The following EIF4EBP2 variants were observed in gnomAD, a reference collection of about 807,000 sequenced individuals.
The protein encoded by EIF4EBP2 is eukaryotic translation initiation factor 4E binding protein 2, also known as eukaryotic translation initiation factor 4E-binding protein 2.
A neutral mutation model predicts 10.3 loss-of-function variants in EIF4EBP2; 5 were observed. That is an observed-to-expected ratio of 0.48 (90% CI 0.25 to 1.02). The LOEUF is 1.02. Ranked by LOEUF, EIF4EBP2 falls within the 50% of genes least tolerant of loss-of-function variation. The probability of loss-of-function intolerance (pLI) is 0.15; values close to 1 mark genes in which losing one functional copy is unlikely to be tolerated. For synonymous variants in EIF4EBP2, 67 were observed against 61.1 expected, an observed-to-expected ratio of 1.10 and a Z score of -0.45; for missense variants, 188 against 162.2, an observed-to-expected ratio of 1.16 and a Z score of -0.86.
chr10:70,421,791 G>A lies in EIF4EBP2; in HGVS notation c.*44G>A. ...AAGAAAAGCAGCAACACTGATACTT[G>A]TGTGCACCTGATTTGGCCAATAGGA... On this transcript the variant is annotated 3_prime_UTR_variant, in exon 3 of 3. Coordinates refer to ENST00000373218, the MANE Select transcript of EIF4EBP2 (RefSeq NM_004096.5). The A allele has an allele frequency of 6.3e-7, 1 of 1,599,108 alleles. No individual in the cohort carries two copies. The highest frequency in any genetic ancestry group is 8.6e-7 in the Non-Finnish European group (1 of 1,168,510).
intron 2 of EIF4EBP2, among the ~76,000 whole-genome samples, chr10:70,421,398 C>T (rs1025935957): frequency 6.6e-6 from 1 of 152,128 alleles, no homozygotes; most frequent in Non-Finnish European, 1.5e-5. Context: ...TCCAAAGCCT[C>T]CAGAAGAATG....
intron 1 of EIF4EBP2, among the ~76,000 whole-genome samples, chr10:70,410,827 A>T (rs1033924210): frequency 6.6e-6 from 1 of 152,118 alleles, no homozygotes; most frequent in African/African-American, 2.4e-5. Flanking sequence ...GTGGGCCCTT[A>T]TGTGAGACAT....
intron 1 of EIF4EBP2, among the ~76,000 whole-genome samples, chr10:70,409,956 A>G (rs897845004): frequency 6.6e-6 from 1 of 152,244 alleles, no homozygotes; most frequent in African/African-American, 2.4e-5. Context: ...CATAAAGGTC[A>G]TTGGATGGGT....
At chr10:70,418,734 G>C (rs1306393839) in intron 1 of EIF4EBP2, among the ~76,000 whole-genome samples, 1 of 152,154 alleles carries the variant, frequency 6.6e-6, no homozygotes, top group Admixed American at 6.6e-5. Flanking sequence ...ATTTCTAGAT[G>C]CCTTTTTGAG....
chr10:70,411,476 A>T (rs1237785309), intron 1 of EIF4EBP2, among the ~76,000 whole-genome samples: 1 of 152,154 alleles, frequency 6.6e-6, no homozygotes, highest in Non-Finnish European at 1.5e-5. Flanking sequence ...ACACAACAAA[A>T]AGCAACATTC....
At chr10:70,418,301 G>A (rs1021604087) in intron 1 of EIF4EBP2, among the ~76,000 whole-genome samples, 1 of 152,216 alleles carries the variant, frequency 6.6e-6, no homozygotes, top group South Asian at 2.1e-4. Flanking sequence ...CTAGCCTCCA[G>A]AACTATGAGA....
chr10:70,427,596 A>G lies in EIF4EBP2; in HGVS notation c.*5849A>G, dbSNP rs1336409590. ...TCCTGGAAGTTGATAACCTTTTGGC[A>G]AAGCTTAGATTTAGGAGAAGGCTTG... On this transcript the variant is annotated 3_prime_UTR_variant, in exon 3 of 3. Transcript: ENST00000373218. 6.6e-6 allele frequency: 1 copy of G among 152,150 alleles called. No individual in the cohort carries two copies. The highest frequency in any genetic ancestry group is 1.5e-5 in the Non-Finnish European group (1 of 68,028). The allele number at this position is 152,150 out of a possible 1,614,324, so 9.4% of individuals were successfully genotyped here. A position where few individuals can be genotyped will look rare whatever the true frequency, so the allele number is the denominator to read the frequency against.
At chr10:70,405,364 C>A (rs573588988) in intron 1 of EIF4EBP2, among the ~76,000 whole-genome samples, 1 of 152,284 alleles carries the variant, frequency 6.6e-6, no homozygotes, top group African/African-American at 2.4e-5. Context: ...CCTGGCATTG[C>A]TTTTCAAAGC....
chr10:70,405,684 A>G (rs999387514), intron 1 of EIF4EBP2, among the ~76,000 whole-genome samples: 5 of 152,188 alleles, frequency 3.3e-5, no homozygotes, highest in African/African-American at 1.2e-4. Flanking sequence ...AATCCGATGC[A>G]GTTAGGCCTG....
Position 70,419,980 on chromosome 10 carries a change from CA to C in EIF4EBP2, c.213del (p.Cys73AlafsTer15). 5 of 1,612,866 alleles carry C rather than the reference CA, an allele frequency of 3.1e-6. No homozygotes were observed. Among genetic ancestry groups the C allele is most frequent in the Non-Finnish European group, 4.2e-6 (5 of 1,179,606 alleles). ...DRRNSPMAQT[P>X]PCHLPNIPGV... is the part of the protein sequence containing the mutation. ...CGCAATTCTCCCATGGCTCAGACCC[CA>C]CCCTGCCACCTGCCCAATATCCCAG... On this transcript the variant is annotated frameshift_variant, in exon 2 of 3. Coordinates refer to ENST00000373218, the MANE Select transcript of EIF4EBP2 (RefSeq NM_004096.5). LOFTEE classifies it high-confidence loss of function.
chr10:70,408,188 C>T (rs372286007), intron 1 of EIF4EBP2, among the ~76,000 whole-genome samples: 8 of 130,786 alleles, frequency 6.1e-5, no homozygotes, highest in East Asian at 2.4e-4. Context: ...CCGGACGGGG[C>T]GGCTGGCCGG....
At chr10:70,405,688 A>C (rs957578100) in intron 1 of EIF4EBP2, among the ~76,000 whole-genome samples, 3 of 152,192 alleles carry the variant, frequency 2.0e-5, no homozygotes, top group African/African-American at 7.2e-5. Flanking sequence ...CGATGCAGTT[A>C]GGCCTGGACC....
At chr10:70,418,800 T>C (rs946068429) in intron 1 of EIF4EBP2, among the ~76,000 whole-genome samples, 4 of 152,200 alleles carry the variant, frequency 2.6e-5, no homozygotes, top group Non-Finnish European at 5.9e-5. Context: ...GTTTCTACTT[T>C]CCTTGTCCTA....
intron 1 of EIF4EBP2, among the ~76,000 whole-genome samples, chr10:70,409,425 C>T (rs535963087): frequency 6.6e-6 from 1 of 152,280 alleles, no homozygotes; most frequent in Admixed American, 6.5e-5. Context: ...TTTAATAACA[C>T]TAGTGACCTA....
chr10:70,404,382 G>C lies in EIF4EBP2; in HGVS notation c.-20G>C, dbSNP rs772002200. ...CGCCGCCTGCCCGCCGGACAAAGCC[G>C]AGAGCCCGCGCCCACAGCCATGTCC... On this transcript the variant is annotated 5_prime_UTR_variant, in exon 1 of 3. Coordinates refer to ENST00000373218, the MANE Select transcript of EIF4EBP2 (RefSeq NM_004096.5). 6.5e-6 allele frequency: 10 copies of C among 1,540,320 alleles called. No homozygotes were observed. Among genetic ancestry groups the C allele is most frequent in the Non-Finnish European group, 8.7e-7 (1 of 1,146,350 alleles).
At chr10:70,405,764 G>A (rs546726407) in intron 1 of EIF4EBP2, among the ~76,000 whole-genome samples, 1 of 152,214 alleles carries the variant, frequency 6.6e-6, no homozygotes, top group African/African-American at 2.4e-5. Flanking sequence ...CAACACCAAG[G>A]GATAAAATCT....
chr10:70,417,767 A>G (rs1014129539), intron 1 of EIF4EBP2, among the ~76,000 whole-genome samples: 1 of 152,206 alleles, frequency 6.6e-6, no homozygotes. Flanking sequence ...CCAGTTTGCA[A>G]GTTGACTCAT....
At chr10:70,410,216 C>T (rs1845030125) in intron 1 of EIF4EBP2, among the ~76,000 whole-genome samples, 1 of 152,008 alleles carries the variant, frequency 6.6e-6, no homozygotes, top group Admixed American at 6.6e-5. Flanking sequence ...ATTACGGGCG[C>T]CCACCACCAC....
chr10:70,421,774 CA>C lies in EIF4EBP2; in HGVS notation c.*28del. ...TCTCCTGCAAGGATTAGAAGAAAAG[CA>C]GCAACACTGATACTTGTGTGCACCT... is the stretch of plus-strand genomic sequence containing the variant. On this transcript the variant is annotated 3_prime_UTR_variant, in exon 3 of 3. Coordinates refer to ENST00000373218, the MANE Select transcript of EIF4EBP2 (RefSeq NM_004096.5). 1 of 1,610,278 alleles carries C rather than the reference CA, an allele frequency of 6.2e-7. No individual in the cohort carries two copies. Among genetic ancestry groups the C allele is most frequent in the Non-Finnish European group, 8.5e-7 (1 of 1,178,034 alleles).
Sources: allele counts gnomAD v4.1 joint callset (sites outside exome capture counted in the v4.1 genomes callset), GRCh38; gene constraint gnomAD v4.1.1; transcripts MANE v1.5; gene names NCBI Gene and HGNC (gene_info 2026-07-23, HGNC 2026-07-21).